Variants in LHFPL6 observed in about 807,000 individuals in gnomAD.
LHFPL6 encodes LHFPL tetraspan subfamily member 6.
LHFPL6 carries 9 observed loss-of-function variants against 20.6 expected under a neutral mutation model. That is an observed-to-expected ratio of 0.44 (90% CI 0.26 to 0.76). LHFPL6 has a LOEUF of 0.76. LHFPL6 is among the 30% of genes least tolerant of loss of function. The pLI, the probability that LHFPL6 is intolerant of heterozygous loss-of-function variation, is 0.20. For synonymous variants in LHFPL6, 105 were observed against 98.7 expected, an observed-to-expected ratio of 1.06 and a Z score of -0.38; for missense variants, 218 against 253.5, an observed-to-expected ratio of 0.86 and a Z score of 0.95.
chr13:39,581,636 T>C (rs1430189478), intron 2 of LHFPL6, among the ~76,000 whole-genome samples: 3 of 151,546 alleles, frequency 2.0e-5, no homozygotes, highest in Non-Finnish European at 4.4e-5. Flanking sequence ...TTCTAGATTC[T>C]GCTTTCCCCC....
At chr13:39,588,591 G>A (rs1872519676) in intron 2 of LHFPL6, among the ~76,000 whole-genome samples, 1 of 152,172 alleles carries the variant, frequency 6.6e-6, no homozygotes, top group Non-Finnish European at 1.5e-5. Flanking sequence ...GTTTCAACAT[G>A]CATGACGACT....
chr13:39,384,274 T>C (rs1870511134), intron 2 of LHFPL6, among the ~76,000 whole-genome samples: 1 of 152,240 alleles, frequency 6.6e-6, no homozygotes, highest in Non-Finnish European at 1.5e-5. Flanking sequence ...CCTTTAAGCA[T>C]GCCTGTGGTA....
At chr13:39,386,477 A>T (rs1434533675) in intron 2 of LHFPL6, among the ~76,000 whole-genome samples, 1 of 152,162 alleles carries the variant, frequency 6.6e-6, no homozygotes, top group East Asian at 1.9e-4. Flanking sequence ...CTGTCCAAGG[A>T]CACAGAGCTC....
intron 2 of LHFPL6, among the ~76,000 whole-genome samples, chr13:39,477,777 C>A (rs1285360062): frequency 2.0e-5 from 3 of 152,134 alleles, no homozygotes; most frequent in African/African-American, 7.2e-5. Flanking sequence ...GAATAAAATA[C>A]CACATAAATT....
At chr13:39,582,240 C>A (rs1427580490) in intron 2 of LHFPL6, among the ~76,000 whole-genome samples, 1 of 152,194 alleles carries the variant, frequency 6.6e-6, no homozygotes, top group African/African-American at 2.4e-5. Context: ...CAATCAGTTG[C>A]CAAGTCACGT....
At chr13:39,580,028 C>T (rs78197653) in intron 2 of LHFPL6, among the ~76,000 whole-genome samples, 4,065 of 152,052 alleles carry the variant, frequency 0.027, 117 homozygotes, top group African/African-American at 0.067. Context: ...TTGTATATTA[C>T]GAAGTGCCAT....
rs147774517 is a variant in LHFPL6 at position 39,600,834 on chromosome 13, C to G, written c.383G>C (p.Gly128Ala). The G allele has an allele frequency of 5.3e-5, 79 of 1,485,638 alleles. No individual in the cohort carries two copies. Among genetic ancestry groups the G allele is most frequent in the Non-Finnish European group, 6.8e-5 (76 of 1,114,392 alleles). The allele number at this position is 1,485,638 out of a possible 1,614,324, so 92.0% of individuals were successfully genotyped here. Residue 128 changes from glycine (G) to alanine (A), a missense_variant and splice_region_variant, in exon 2 of 4, where the codon GGG becomes GCG. Transcript: ENST00000379589. ...CTCAAGCTCAGCAAGTCACTTACCC[C>G]CAAGAAACTGAATTCCTCCAGCCAC... is the stretch of plus-strand genomic sequence containing the variant. ...GRVAGGIQFL[G>A]GLLIGAGCAL... is the part of the protein sequence containing the mutation.
chr13:39,401,032 A>G (rs1459892593), intron 2 of LHFPL6, among the ~76,000 whole-genome samples: 1 of 152,158 alleles, frequency 6.6e-6, no homozygotes, highest in Non-Finnish European at 1.5e-5. Context: ...CATATAGAAA[A>G]GTGATTTGAA....
At chr13:39,351,131 A>G (rs2138336654) in intron 3 of LHFPL6, among the ~76,000 whole-genome samples, 1 of 152,190 alleles carries the variant, frequency 6.6e-6, no homozygotes, top group East Asian at 1.9e-4. Flanking sequence ...TGACCTGATC[A>G]CAACAACCGA....
chr13:39,536,330 G>A (rs1189992057), intron 2 of LHFPL6, among the ~76,000 whole-genome samples: 1 of 152,118 alleles, frequency 6.6e-6, no homozygotes, highest in Admixed American at 6.5e-5. Flanking sequence ...CCACGGAGTT[G>A]TACCACTCAG....
chr13:39,569,290 T>C (rs924851774), intron 2 of LHFPL6, among the ~76,000 whole-genome samples: 3 of 152,152 alleles, frequency 2.0e-5, no homozygotes, highest in Admixed American at 6.5e-5. Context: ...ATTTGAATAG[T>C]TGAAACATAG....
At chr13:39,562,521 C>CATATAT (rs1871547489) in intron 2 of LHFPL6, among the ~76,000 whole-genome samples, 1 of 130,974 alleles carries the variant, frequency 7.6e-6, no homozygotes, top group Admixed American at 7.5e-5. Context: ...TACATATATA[C>CATATAT]ACATATACAC....
chr13:39,527,935 T>C (rs781729510), intron 2 of LHFPL6, among the ~76,000 whole-genome samples: 2 of 152,238 alleles, frequency 1.3e-5, no homozygotes, highest in African/African-American at 2.4e-5. Context: ...ACTATGTTTC[T>C]ATAAGATTCA....
At chr13:39,497,365 A>G (rs1045015926) in intron 2 of LHFPL6, among the ~76,000 whole-genome samples, 13 of 152,274 alleles carry the variant, frequency 8.5e-5, no homozygotes, top group Admixed American at 2.0e-4. Flanking sequence ...CTCAAATTTA[A>G]TAACTTTGCC....
chr13:39,433,283 A>G (rs887596120), intron 2 of LHFPL6, among the ~76,000 whole-genome samples: 6 of 152,234 alleles, frequency 3.9e-5, no homozygotes, highest in Admixed American at 2.6e-4. Context: ...AAACAAGTCA[A>G]CCAATCAACT....
Position 39,343,360 on chromosome 13 carries a change from G to A in LHFPL6, c.*576C>T. The A allele has an allele frequency of 4.3e-6, 1 of 230,024 alleles. No individual in the cohort carries two copies. The highest frequency in any genetic ancestry group is 8.6e-6 in the Non-Finnish European group (1 of 115,816). 14.2% of individuals were successfully genotyped at this position (230,024 alleles called of 1,614,324 possible). A position where few individuals can be genotyped will look rare whatever the true frequency, so the allele number is the denominator to read the frequency against. Reference sequence around the variant, plus strand: ...TGTATATTAAAAAGAAAACAGAGGAGAAATGCACCACTAAACCTCCCAGTC... The same window carrying A: ...TGTATATTAAAAAGAAAACAGAGGAAAAATGCACCACTAAACCTCCCAGTC... On this transcript the variant is annotated 3_prime_UTR_variant, in exon 4 of 4. Transcript: ENST00000379589.
chr13:39,443,215 C>T (rs56723972), intron 2 of LHFPL6, among the ~76,000 whole-genome samples: 22,353 of 152,088 alleles, frequency 0.15, 1,755 homozygotes, highest in South Asian at 0.22. Flanking sequence ...GTTCTGTCCC[C>T]TTTTCTTCCT....
chr13:39,565,094 G>C (rs890521533), intron 2 of LHFPL6, among the ~76,000 whole-genome samples: 5 of 152,124 alleles, frequency 3.3e-5, no homozygotes, highest in Non-Finnish European at 5.9e-5. Flanking sequence ...GACCATTGTT[G>C]TTTAAAAACT....
rs189020863 is a variant in LHFPL6, at chr13:39,585,403, C to T, written c.385+15429G>A. ...AGTACGTTTTGTGTGTCACGGCCTT[C>T]AATGCAATTGGCTCTTGGGACATAC... On this transcript the variant is annotated intron_variant, in intron 2 of 3. Transcript: ENST00000379589. 4.7e-4 allele frequency among the ~76,000 whole-genome samples: 71 copies of T among 152,302 alleles called. 2 individuals are homozygous for T. In the East Asian group the frequency reaches 8.1e-3, roughly 17 times the overall value.
Sources: gnomAD v4.1 joint callset for allele counts (sites outside exome capture counted in the v4.1 genomes callset) on GRCh38, gnomAD v4.1.1 for gene constraint, MANE v1.5 for transcripts, NCBI Gene and HGNC (gene_info 2026-07-23, HGNC 2026-07-21) for gene names.